The following PAPOLA variants were observed in gnomAD, a reference collection of about 807,000 sequenced individuals.
PAPOLA encodes poly(A) polymerase alpha, also known as polynucleotide adenylyltransferase alpha.
PAPOLA carries 15 observed loss-of-function variants against 100.6 expected under a neutral mutation model. That is an observed-to-expected ratio of 0.15 (90% CI 0.10 to 0.23). The LOEUF is 0.23. PAPOLA is among the 10% of genes least tolerant of loss of function. The pLI is 1.00. For synonymous variants in PAPOLA, 293 were observed against 300.0 expected (o/e 0.98, Z 0.24); for missense variants, 533 against 884.2 (o/e 0.60, Z 5.04).
chr14:96,527,630 G>T, intron 5 of PAPOLA, 91 bp downstream of exon 5: 1 of 735,402 alleles, frequency 1.4e-6, no homozygotes, highest in Non-Finnish European at 2.3e-6. Flanking sequence ...CATTTATTGA[G>T]TTCTTGCAAT....
chr14:96,510,107 A>G (rs116283840), intron 1 of PAPOLA, among the ~76,000 whole-genome samples: 3,359 of 152,082 alleles, frequency 0.022, 119 homozygotes, highest in African/African-American at 0.076. Flanking sequence ...CTTTTGTTAC[A>G]GAATTATTTT....
At chr14:96,507,272 G>A (rs1896779923) in intron 1 of PAPOLA, among the ~76,000 whole-genome samples, 1 of 143,042 alleles carries the variant, frequency 7.0e-6, no homozygotes, top group African/African-American at 2.7e-5. Context: ...TTTTTGTTTT[G>A]GAAAATAGTT....
chr14:96,535,564 TTC>T (rs1899447961), intron 10 of PAPOLA: 2 of 1,019,072 alleles, frequency 2.0e-6, no homozygotes, highest in African/African-American at 3.4e-5. Flanking sequence ...GCATCCCCAT[TTC>T]TGTTGTTGAA....
chr14:96,556,154 A>G (rs1289116397), intron 18 of PAPOLA, 21 bp from the exon 19 acceptor site: 2 of 1,556,302 alleles, frequency 1.3e-6, no homozygotes, highest in African/African-American at 1.4e-5. Flanking sequence ...ATTTGTATAT[A>G]CTCATATATT....
In PAPOLA at chr14:96,535,997, A is replaced by G. The variant is rs1899490116; in HGVS notation, c.1028A>G (p.Gln343Arg). The change falls in exon 11 of 22, where the codon CAA becomes CGA. Residue 343 changes from glutamine (Q) to arginine (R), a missense_variant and splice_region_variant. By Grantham distance (43) the Gln-to-Arg change is conservative. This residue lies in a region of PAPOLA where 87 missense variants were observed against 173.3 expected (regional missense o/e 0.50). Transcript: ENST00000216277. ...TRMVMVEEFK[Q>R]GLAITDEILL... ...ATGGTCATGGTTGAGGAGTTTAAAC[A>G]AGGTAAGTGTTTATCCTTATGCTCT... The G allele has an allele frequency of 6.3e-7, 1 of 1,598,474 alleles. No homozygotes were observed. Among genetic ancestry groups the G allele is most frequent in the Non-Finnish European group, 8.5e-7 (1 of 1,172,118 alleles).
chr14:96,542,565 G>A (rs116703048), intron 13 of PAPOLA: 130 of 555,140 alleles, frequency 2.3e-4, no homozygotes, highest in African/African-American at 2.2e-3. Flanking sequence ...TAAAATTTTT[G>A]TGTGGATAAC....
chr14:96,533,275 A>G (rs1304366173), intron 9 of PAPOLA: 6 of 984,828 alleles, frequency 6.1e-6, no homozygotes, highest in Non-Finnish European at 6.0e-6. Flanking sequence ...CCTTGGCCCA[A>G]AAGGTGAGGG....
chr14:96,520,704 A>G (rs1897882595), intron 2 of PAPOLA, among the ~76,000 whole-genome samples: 1 of 151,384 alleles, frequency 6.6e-6, no homozygotes, highest in African/African-American at 2.4e-5. Context: ...CTTAATTTTG[A>G]TGTTATTTAT....
intron 15 of PAPOLA, 96 bp downstream of exon 15, chr14:96,544,354 A>G: frequency 1.6e-6 from 1 of 642,300 alleles, no homozygotes; most frequent in Non-Finnish European, 2.8e-6. Flanking sequence ...AATTGTTGAA[A>G]TTACTTGCGA....
intron 1 of PAPOLA, among the ~76,000 whole-genome samples, chr14:96,516,214 T>A (rs1225246324): frequency 1.3e-5 from 2 of 152,256 alleles, no homozygotes; most frequent in Non-Finnish European, 2.9e-5. Flanking sequence ...TCTAGCTCCT[T>A]AAGCTCATGC....
chr14:96,551,944 C>G (rs376441170), intron 16 of PAPOLA, among the ~76,000 whole-genome samples: 6 of 152,244 alleles, frequency 3.9e-5, no homozygotes, highest in South Asian at 4.1e-4. Flanking sequence ...ACTGAAGTCT[C>G]TTGCTTTTGA....
intron 21 of PAPOLA, among the ~76,000 whole-genome samples, chr14:96,563,659 G>A (rs1902049569): frequency 6.6e-6 from 1 of 152,242 alleles, no homozygotes; most frequent in African/African-American, 2.4e-5. Flanking sequence ...GCAGCTCCGA[G>A]TTATTTTAAC....
chr14:96,514,067 T>TA (rs1489987725), intron 1 of PAPOLA, among the ~76,000 whole-genome samples: 26 of 152,246 alleles, frequency 1.7e-4, no homozygotes, highest in Non-Finnish European at 3.7e-4. Context: ...TTCACTGATT[T>TA]AAAATGGTTA....
intron 1 of PAPOLA, among the ~76,000 whole-genome samples, chr14:96,513,203 A>G (rs961498105): frequency 2.6e-5 from 4 of 152,068 alleles, no homozygotes; most frequent in African/African-American, 9.7e-5. Flanking sequence ...AGCTGGGACT[A>G]CACTACAGGT....
intron 9 of PAPOLA, chr14:96,533,220 T>C: frequency 1.2e-5 from 12 of 982,958 alleles, no homozygotes; most frequent in Non-Finnish European, 1.4e-5. Context: ...AACTATGATT[T>C]AAGAAAAAGT....
chr14:96,502,626 T>C, intron 1 of PAPOLA, 26 bp downstream of exon 1: 2 of 1,568,026 alleles, frequency 1.3e-6, no homozygotes, highest in South Asian at 2.3e-5. Context: ...TCTGTTTTCT[T>C]TCGCTCGCCG....
In PAPOLA at chr14:96,565,980, C is replaced by T. The variant is rs1382883922; in HGVS notation, c.*930C>T. Reference sequence around the variant, plus strand: ...TGTGAAACCAATGACCCTGTGACCACATGGCACAGAACACTAAATTTTGGT... The same window carrying T: ...TGTGAAACCAATGACCCTGTGACCATATGGCACAGAACACTAAATTTTGGT... On this transcript the variant is annotated 3_prime_UTR_variant, in exon 22 of 22. Coordinates refer to ENST00000216277, the MANE Select transcript of PAPOLA (RefSeq NM_032632.5). 1 of 397,972 alleles carries T rather than the reference C, an allele frequency of 2.5e-6. No individual in the cohort carries two copies. The highest frequency in any genetic ancestry group is 4.4e-6 in the Non-Finnish European group (1 of 225,322). 24.7% of individuals were successfully genotyped at this position (397,972 alleles called of 1,614,324 possible). A position where few individuals can be genotyped will look rare whatever the true frequency, so the allele number is the denominator to read the frequency against.
At chr14:96,559,579 C>CTATATATATATA (rs1171924653) in intron 19 of PAPOLA, among the ~76,000 whole-genome samples, 8 of 108,470 alleles carry the variant, frequency 7.4e-5, no homozygotes, top group Admixed American at 2.6e-4. Context: ...CTCTCTCTCT[C>CTATATATATATA]TCTATATATA....
chr14:96,539,394 T>C (rs1388787154), intron 12 of PAPOLA, among the ~76,000 whole-genome samples: 2 of 152,150 alleles, frequency 1.3e-5, no homozygotes, highest in African/African-American at 2.4e-5. Context: ...ATCTGAGTTA[T>C]GATCTTCCCA....
Sources: gnomAD v4.1 joint callset for allele counts (sites outside exome capture counted in the v4.1 genomes callset) on GRCh38, gnomAD v4.1.1 for gene constraint, gnomAD v4.1.1 regional missense constraint, MANE v1.5 for transcripts, NCBI Gene and HGNC (gene_info 2026-07-23, HGNC 2026-07-21) for gene names.